Variants in GNG7 observed in about 807,000 individuals in gnomAD.
GNG7 encodes the protein G protein subunit gamma 7.
A neutral mutation model predicts 4.0 loss-of-function variants in GNG7; 1 was observed. The ratio of observed to expected loss-of-function variants is 0.25; its 90% CI spans 0.09 to 1.18. The LOEUF (loss-of-function observed/expected upper bound fraction) is 1.18, where lower values mean the gene tolerates loss of function less well. GNG7 is among the 50% of genes most tolerant of loss of function. The pLI, the probability that GNG7 is intolerant of heterozygous loss-of-function variation, is 0.50. For missense variants in GNG7, 86 were observed against 91.9 expected, an observed-to-expected ratio of 0.94 and a Z score of 0.26; for synonymous variants, 34 against 36.9, an observed-to-expected ratio of 0.92 and a Z score of 0.29.
intron 1 of GNG7, among the ~76,000 whole-genome samples, chr19:2,675,673 C>T (rs1599456445): frequency 6.6e-6 from 1 of 152,064 alleles, no homozygotes; most frequent in Non-Finnish European, 1.5e-5. Context: ...AAGATATTCC[C>T]GACACTTGGG....
intron 2 of GNG7, chr19:2,641,951 C>T (rs2144856088): frequency 6.6e-6 from 1 of 152,428 alleles, no homozygotes; most frequent in Non-Finnish European, 1.5e-5. Flanking sequence ...AGGAGTGAGC[C>T]ACCGCGCCTG....
At chr19:2,608,748 G>A (rs1309519943) in intron 2 of GNG7, among the ~76,000 whole-genome samples, 2 of 152,182 alleles carry the variant, frequency 1.3e-5, no homozygotes, top group African/African-American at 2.4e-5. Context: ...GGTCTGCACT[G>A]AGGCTGTCAG....
At chr19:2,604,428 G>A (rs956908953) in intron 2 of GNG7, among the ~76,000 whole-genome samples, 11 of 142,974 alleles carry the variant, frequency 7.7e-5, no homozygotes, top group South Asian at 4.5e-4. Flanking sequence ...CTAGGACTGC[G>A]CCACTGCACT....
rs566448691 is a variant in GNG7, at chr19:2,546,425, C to A, written c.-38+8724G>T. Among the ~76,000 whole-genome samples the A allele has an allele frequency of 1.3e-5, 2 of 152,352 alleles. No individual in the cohort carries two copies. The highest frequency in any genetic ancestry group is 4.8e-5 in the African/African-American group (2 of 41,586). On this transcript the variant is annotated intron_variant, in intron 3 of 4. Transcript: ENST00000382159. The surrounding 1 kb of genome is among the most constrained non-coding windows in gnomAD (Gnocchi z 6.3). The stretch of plus-strand genomic sequence containing the variant: ...GTGACCTCAAGGCAGGGCCGTGGGG[C>A]CCAGGGCTGCGGGCGGGAGGGCCTC...
At chr19:2,693,023 G>A (rs1254996545) in intron 1 of GNG7, among the ~76,000 whole-genome samples, 1 of 151,776 alleles carries the variant, frequency 6.6e-6, no homozygotes, top group Non-Finnish European at 1.5e-5. Flanking sequence ...AGGCACAGTG[G>A]TTCATGTCTG....
At chr19:2,622,902 C>T (rs1412505777) in intron 2 of GNG7, among the ~76,000 whole-genome samples, 2 of 152,262 alleles carry the variant, frequency 1.3e-5, no homozygotes, top group Admixed American at 6.5e-5. Context: ...CACCGTGTAT[C>T]ATTTATACCA....
intron 3 of GNG7, among the ~76,000 whole-genome samples, chr19:2,540,981 C>T (rs998608930): frequency 5.9e-5 from 9 of 152,226 alleles, no homozygotes; most frequent in African/African-American, 1.7e-4. Flanking sequence ...AGCATGCAGC[C>T]GGTGGAGGCT....
chr19:2,572,979 T>C (rs1980194400), intron 2 of GNG7, among the ~76,000 whole-genome samples: 1 of 151,164 alleles, frequency 6.6e-6, no homozygotes, highest in Admixed American at 6.6e-5. Flanking sequence ...CACACATCCA[T>C]GCATATTCTC....
chr19:2,615,087 G>A (rs949316019), intron 2 of GNG7, among the ~76,000 whole-genome samples: 1 of 152,188 alleles, frequency 6.6e-6, no homozygotes, highest in African/African-American at 2.4e-5. Flanking sequence ...CAAGGTGTGT[G>A]GAATAGCCCC....
At position 2,546,745 on chromosome 19, in the gene GNG7, G is replaced by A. The variant is rs925410916; in HGVS notation, c.-38+8404C>T. On this transcript the variant is annotated intron_variant, in intron 3 of 4. Transcript: ENST00000382159. This position sits in a 1 kb window ranked among gnomAD's most constrained non-coding sequence, Gnocchi z 6.3. ...CCGCCAGTGTGGGTTTGGTCGCCGCGGTGACGGGAGCAGGAGAAAAGAAAA... is the reference window on the plus strand; with the variant it reads ...CCGCCAGTGTGGGTTTGGTCGCCGCAGTGACGGGAGCAGGAGAAAAGAAAA... 5.3e-5 allele frequency among the ~76,000 whole-genome samples: 8 copies of A among 152,192 alleles called. No individual in the cohort carries two copies. Among genetic ancestry groups the A allele is most frequent in the East Asian group, 1.9e-4 (1 of 5,190 alleles).
intron 3 of GNG7, among the ~76,000 whole-genome samples, chr19:2,534,307 C>A (rs1485910819): frequency 6.6e-6 from 1 of 152,184 alleles, no homozygotes; most frequent in Non-Finnish European, 1.5e-5. Context: ...GTGGCCTCCG[C>A]TCCACTCCCC....
intron 3 of GNG7, chr19:2,538,242 G>T (rs182368948): frequency 2.2e-6 from 1 of 456,632 alleles, no homozygotes; most frequent in East Asian, 7.0e-5. Context: ...AAGGAAAGCC[G>T]TGCTGAGTGG....
chr19:2,571,832 G>A (rs1390289867), intron 2 of GNG7, among the ~76,000 whole-genome samples: 1 of 151,794 alleles, frequency 6.6e-6, no homozygotes, highest in Non-Finnish European at 1.5e-5. Flanking sequence ...CTGACCTCAG[G>A]TGATCTGCCC....
At chr19:2,559,953 G>C (rs1423411605) in intron 2 of GNG7, among the ~76,000 whole-genome samples, 1 of 152,066 alleles carries the variant, frequency 6.6e-6, no homozygotes, top group African/African-American at 2.4e-5. Flanking sequence ...GCCTCAGCAC[G>C]ATGCCTGGGG....
intron 1 of GNG7, among the ~76,000 whole-genome samples, chr19:2,680,179 G>A (rs1317502578): frequency 1.5e-5 from 2 of 132,122 alleles, no homozygotes; most frequent in South Asian, 2.3e-4. Context: ...ACAGAGTCTC[G>A]CTCTGTTGCC....
intron 3 of GNG7, among the ~76,000 whole-genome samples, chr19:2,534,683 C>T (rs932344919): frequency 2.0e-5 from 3 of 152,170 alleles, no homozygotes; most frequent in African/African-American, 4.8e-5. Flanking sequence ...GAAATTGGCT[C>T]ACATAATTAT....
intron 2 of GNG7, among the ~76,000 whole-genome samples, chr19:2,596,676 A>ACCC (rs1324344943): frequency 1.3e-3 from 125 of 96,238 alleles, no homozygotes; most frequent in South Asian, 6.1e-3. Context: ...CCCCCCCCCA[A>ACCC]AAAAAAAAGT....
chr19:2,532,162 CAA>C (rs71178286), intron 3 of GNG7, among the ~76,000 whole-genome samples: 4,703 of 120,656 alleles, frequency 0.039, 288 homozygotes, highest in African/African-American at 0.13. Context: ...AAAAAAAAAA[CAA>C]AAAAAAAAAC....
At chr19:2,541,869 T>C (rs1978973415) in intron 3 of GNG7, among the ~76,000 whole-genome samples, 1 of 151,960 alleles carries the variant, frequency 6.6e-6, no homozygotes, top group South Asian at 2.1e-4. Context: ...GAGCTAGGGT[T>C]TCACCATTGC....
Sources: gnomAD v4.1 joint callset for allele counts (sites outside exome capture counted in the v4.1 genomes callset) on GRCh38, gnomAD v4.1.1 for gene constraint, Gnocchi (gnomAD v3.1) non-coding constraint, MANE v1.5 for transcripts, NCBI Gene and HGNC (gene_info 2026-07-23, HGNC 2026-07-21) for gene names.